The following MAST4 variants were observed in gnomAD, a reference collection of about 807,000 sequenced individuals.
MAST4 encodes the protein microtubule associated serine/threonine kinase family member 4.
A neutral mutation model predicts 162.7 loss-of-function variants in MAST4; 89 were observed. The ratio of observed to expected loss-of-function variants is 0.55; its 90% CI spans 0.46 to 0.65. The LOEUF (loss-of-function observed/expected upper bound fraction) is 0.65, where lower values mean the gene tolerates loss of function less well. MAST4 is among the 30% of genes least tolerant of loss of function. MAST4 has a pLI of 0.00. For synonymous variants in MAST4, 1,479 were observed against 1,361.1 expected (o/e 1.09, Z -1.91); for missense variants, 3,153 against 3,374.0 (o/e 0.93, Z 1.62).
At chr5:67,078,516 A>G (rs1761956026) in intron 5 of MAST4, among the ~76,000 whole-genome samples, 1 of 150,880 alleles carries the variant, frequency 6.6e-6, no homozygotes, top group South Asian at 2.1e-4. Context: ...TATGTTAATT[A>G]GCTTGATTGT....
At chr5:66,800,053 GT>G (rs1158259019) in intron 3 of MAST4, among the ~76,000 whole-genome samples, 2 of 152,158 alleles carry the variant, frequency 1.3e-5, no homozygotes, top group African/African-American at 4.8e-5. Context: ...TGGAATTTAA[GT>G]TTCATTAAAT....
chr5:66,967,080 G>T (rs1446782278), intron 4 of MAST4, among the ~76,000 whole-genome samples: 2 of 152,150 alleles, frequency 1.3e-5, no homozygotes, highest in African/African-American at 2.4e-5. Flanking sequence ...AGCATGTTTT[G>T]TATCCCTGCA....
chr5:67,078,720 T>TTATATTTATATTTATCTAAATA (rs1762013060), intron 5 of MAST4, among the ~76,000 whole-genome samples: 2 of 116,432 alleles, frequency 1.7e-5, no homozygotes, highest in East Asian at 4.0e-4. Flanking sequence ...TTTATTTATA[T>TTATATTTATATTTATCTAAATA]TATATTTATA....
intron 4 of MAST4, among the ~76,000 whole-genome samples, chr5:66,923,573 T>A (rs1580890273): frequency 6.6e-6 from 1 of 152,172 alleles, no homozygotes; most frequent in Non-Finnish European, 1.5e-5. Context: ...CTTTTTCCTG[T>A]TTTTTTATTG....
intron 10 of MAST4, 69 bp from the exon 11 acceptor site, chr5:67,110,029 T>C: frequency 9.0e-7 from 1 of 1,105,308 alleles, no homozygotes; most frequent in Non-Finnish European, 1.4e-6. Context: ...ATTAGCATGC[T>C]TTGCTGATTT....
chr5:66,648,079 T>TGA (rs1309684524), intron 1 of MAST4, among the ~76,000 whole-genome samples: 3 of 103,730 alleles, frequency 2.9e-5, no homozygotes, highest in African/African-American at 4.4e-5. Flanking sequence ...TGTGTGTGTG[T>TGA]GTGTGAGAGA....
chr5:66,734,249 G>T (rs889282113), intron 1 of MAST4, among the ~76,000 whole-genome samples: 26 of 152,098 alleles, frequency 1.7e-4, no homozygotes, highest in African/African-American at 6.0e-4. Flanking sequence ...GACTTTTGGG[G>T]GGCTTTTAGT....
At chr5:67,001,254 T>G (rs1235775260) in intron 4 of MAST4, 1 of 152,224 alleles carries the variant, frequency 6.6e-6, no homozygotes, top group Non-Finnish European at 1.5e-5. Flanking sequence ...CTGAATCATA[T>G]GTAACCAAAT....
chr5:66,872,082 A>G (rs750082575), intron 3 of MAST4, among the ~76,000 whole-genome samples: 10 of 152,166 alleles, frequency 6.6e-5, no homozygotes, highest in Non-Finnish European at 1.5e-4. Flanking sequence ...CCTCTGATAT[A>G]ATGCTAGTTT....
intron 4 of MAST4, among the ~76,000 whole-genome samples, chr5:66,999,374 C>G (rs916333860): frequency 1.3e-5 from 2 of 152,184 alleles, no homozygotes; most frequent in African/African-American, 4.8e-5. Context: ...GTATTCTACT[C>G]TAATTATCAA....
Position 67,165,407 on chromosome 5 carries a change from G to C in MAST4, c.6228G>C (p.Arg2076Ser), listed in dbSNP as rs963864258. Residue 2076 changes from arginine to serine, a missense_variant, in exon 29 of 29, where the codon AGG becomes AGC. Arg to Ser is a moderately radical substitution (Grantham distance 110). Around this residue, in one of 7 missense-constraint regions of MAST4, gnomAD observed 1,644 missense variants for 1,495.0 expected, o/e 1.10. Coordinates refer to ENST00000403625, the MANE Select transcript of MAST4 (RefSeq NM_001164664.2). ...GTGAGAAGGAGCTGGGCAAGGTGAG[G>C]CGTGGCGTGGAACCCAAGCCCGAAG... is the stretch of plus-strand genomic sequence containing the variant. ...IPCEKELGKV[R>S]RGVEPKPEAL... 4 of 1,613,886 alleles carry C rather than the reference G, an allele frequency of 2.5e-6. No homozygotes were observed. The highest frequency in any genetic ancestry group is 1.1e-5 in the South Asian group (1 of 91,088).
intron 1 of MAST4, among the ~76,000 whole-genome samples, chr5:66,749,219 G>A (rs150798725): frequency 1.3e-5 from 2 of 152,036 alleles, no homozygotes; most frequent in Non-Finnish European, 2.9e-5. Context: ...TCATCTCTCT[G>A]CATCCTAACT....
chr5:67,121,111 T>A lies in MAST4; in HGVS notation c.1745+9T>A. ...AGCAATGGAGCCTATGGGTGAGTAA[T>A]TCAAGAAAAGCTCTCTATTGTATTT... is the stretch of plus-strand genomic sequence containing the variant. On this transcript the variant is annotated intron_variant, in intron 14 of 28. Transcript: ENST00000403625. 1.3e-6 allele frequency: 2 copies of A among 1,582,810 alleles called. No homozygotes were observed. The highest frequency in any genetic ancestry group is 1.7e-6 in the Non-Finnish European group (2 of 1,158,566).
At chr5:66,717,362 G>A (rs1459425510) in intron 1 of MAST4, among the ~76,000 whole-genome samples, 1 of 152,142 alleles carries the variant, frequency 6.6e-6, no homozygotes, top group South Asian at 2.1e-4. Context: ...TTCTTATGTA[G>A]GCAAAGGTCA....
At chr5:66,894,660 G>A (rs928068791) in intron 3 of MAST4, among the ~76,000 whole-genome samples, 4 of 152,236 alleles carry the variant, frequency 2.6e-5, no homozygotes, top group Non-Finnish European at 4.4e-5. Flanking sequence ...TGATGGGGAA[G>A]TGCATGAACT....
chr5:66,617,250 A>G (rs1233030931), intron 1 of MAST4, among the ~76,000 whole-genome samples: 1 of 152,222 alleles, frequency 6.6e-6, no homozygotes, highest in Non-Finnish European at 1.5e-5. Context: ...AATGCATCGT[A>G]GCATGCTGTA....
intron 3 of MAST4, among the ~76,000 whole-genome samples, chr5:66,858,277 T>C (rs1759834678): frequency 6.6e-6 from 1 of 152,168 alleles, no homozygotes; most frequent in South Asian, 2.1e-4. Context: ...AGTGCTGGGA[T>C]TACAGGTGTG....
intron 4 of MAST4, among the ~76,000 whole-genome samples, chr5:66,982,329 A>C (rs192134878): frequency 1.3e-5 from 2 of 152,252 alleles, no homozygotes; most frequent in African/African-American, 4.8e-5. Context: ...GTCGATTCTA[A>C]TAACAATTTG....
chr5:66,822,276 C>T (rs1327984200), intron 3 of MAST4, among the ~76,000 whole-genome samples: 3 of 152,092 alleles, frequency 2.0e-5, no homozygotes, highest in African/African-American at 7.2e-5. Context: ...ACAGAGTGAG[C>T]AGCCTTGCCC....
Sources: allele counts gnomAD v4.1 joint callset (sites outside exome capture counted in the v4.1 genomes callset), GRCh38; gene constraint gnomAD v4.1.1; regional missense constraint gnomAD v4.1.1; transcripts MANE v1.5; gene names NCBI Gene and HGNC (gene_info 2026-07-23, HGNC 2026-07-21).